IL21R: variants seen among roughly 807,000 people sequenced by gnomAD.
The protein encoded by IL21R is interleukin-21 receptor.
IL21R carries 14 observed loss-of-function variants against 41.3 expected under a neutral mutation model. That is an observed-to-expected ratio of 0.34 (90% CI 0.22 to 0.53). The LOEUF (loss-of-function observed/expected upper bound fraction) is 0.53, where lower values mean the gene tolerates loss of function less well. Among genes scored for constraint, IL21R ranks in the 20% least tolerant of loss-of-function variants. IL21R has a pLI of 0.94. For synonymous variants in IL21R, 286 were observed against 287.6 expected, an observed-to-expected ratio of 0.99 and a Z score of 0.05; for missense variants, 588 against 681.6, an observed-to-expected ratio of 0.86 and a Z score of 1.53.
rs952223498 is a variant in IL21R, at chr16:27,451,047, G to A, written c.*1764G>A. Reference sequence around the variant, plus strand: ...GATGGTTATAAGAGTGGGACTGTGAGCCTGGGATCGGGGGGTGTGAGACTT... The same window carrying A: ...GATGGTTATAAGAGTGGGACTGTGAACCTGGGATCGGGGGGTGTGAGACTT... On this transcript the variant is annotated 3_prime_UTR_variant, in exon 9 of 9. Transcript: ENST00000337929. The A allele has an allele frequency of 1.7e-5, 4 of 233,466 alleles. No homozygotes were observed. Among genetic ancestry groups the A allele is most frequent in the African/African-American group, 6.6e-5 (3 of 45,360 alleles). 14.5% of individuals were successfully genotyped at this position (233,466 alleles called of 1,614,324 possible).
chr16:27,448,250 T>A, intron 8 of IL21R: 1 of 332,630 alleles, frequency 3.0e-6, no homozygotes, highest in Non-Finnish European at 5.5e-6. Flanking sequence ...ACGTCAGGAG[T>A]TCAAGATCAG....
At chr16:27,413,576 C>CTTTT (rs35600189) in intron 1 of IL21R, among the ~76,000 whole-genome samples, 1 of 140,092 alleles carries the variant, frequency 7.1e-6, no homozygotes, top group African/African-American at 2.6e-5. Flanking sequence ...TGGTCTTGGC[C>CTTTT]TTTTTTTTTT....
At chr16:27,407,201 T>A (rs1206268316) in intron 1 of IL21R, among the ~76,000 whole-genome samples, 1 of 152,184 alleles carries the variant, frequency 6.6e-6, no homozygotes, top group Admixed American at 6.5e-5. Context: ...TTCTCTGCAC[T>A]AGGGATACTG....
Position 27,441,008 on chromosome 16 carries a change from G to A in IL21R, c.353-1954G>A, listed in dbSNP as rs545669888. 4.5e-5 allele frequency among the ~76,000 whole-genome samples: 6 copies of A among 131,874 alleles called. No homozygotes were observed. In the East Asian group the frequency reaches 6.6e-4, roughly 15 times the overall value. The allele number at this position is 131,874 out of a possible 152,430, so 86.5% of individuals were successfully genotyped here. A position where few individuals can be genotyped will look rare whatever the true frequency, so the allele number is the denominator to read the frequency against. ...GGAGACTGCAGTGAGCTGAGATCAC[G>A]CCACTGCACTCCAGCCTGGGTGACA... On this transcript the variant is annotated intron_variant, in intron 4 of 8. Transcript: ENST00000337929.
chr16:27,425,808 G>A (rs578030134), intron 1 of IL21R, among the ~76,000 whole-genome samples: 60 of 152,078 alleles, frequency 3.9e-4, no homozygotes, highest in African/African-American at 1.3e-3. Context: ...CTCCCACCTC[G>A]GCCTCCCAAA....
intron 1 of IL21R, among the ~76,000 whole-genome samples, chr16:27,413,064 A>C (rs1304938421): frequency 6.6e-6 from 1 of 152,126 alleles, no homozygotes; most frequent in Non-Finnish European, 1.5e-5. Context: ...AAAAGGTTTC[A>C]GTTTTTTACT....
At chr16:27,440,675 G>A (rs946634668) in intron 4 of IL21R, among the ~76,000 whole-genome samples, 2 of 152,200 alleles carry the variant, frequency 1.3e-5, no homozygotes, top group African/African-American at 4.8e-5. Flanking sequence ...GCCCCAAGGA[G>A]CTAAGAGCCC....
chr16:27,425,961 T>C (rs1348407797), intron 1 of IL21R, among the ~76,000 whole-genome samples: 1 of 152,222 alleles, frequency 6.6e-6, no homozygotes, highest in African/African-American at 2.4e-5. Flanking sequence ...TTGTTTTTCT[T>C]GTATTTAGTT....
chr16:27,444,246 C>A (rs2087438713), intron 5 of IL21R, among the ~76,000 whole-genome samples: 1 of 151,970 alleles, frequency 6.6e-6, no homozygotes, highest in Non-Finnish European at 1.5e-5. Flanking sequence ...ACCATTACCA[C>A]TCCTGAGATA....
At chr16:27,435,116 G>A (rs927596833) in intron 3 of IL21R, among the ~76,000 whole-genome samples, 14 of 152,090 alleles carry the variant, frequency 9.2e-5, no homozygotes, top group South Asian at 4.2e-4. Context: ...TAAATCAGTC[G>A]GGCGTGGTGG....
Position 27,449,520 on chromosome 16 carries a change from C to A in IL21R, c.*237C>A. 1.8e-6 allele frequency: 1 copy of A among 560,406 alleles called. No individual in the cohort carries two copies. The highest frequency in any genetic ancestry group is 3.1e-6 in the Non-Finnish European group (1 of 318,422). The allele number at this position is 560,406 out of a possible 1,614,324, so 34.7% of individuals were successfully genotyped here. On this transcript the variant is annotated 3_prime_UTR_variant, in exon 9 of 9. Transcript: ENST00000337929. ...ATGTCCACGTGTGTGTGTGATTGCA[C>A]GTGCCTGTGGGCCTGGGATAATGCC...
rs2087188454 is a variant in IL21R, at chr16:27,432,312, G to A, written c.50-2035G>A. On this transcript the variant is annotated intron_variant, in intron 2 of 8. Transcript: ENST00000337929. ...AAGCAGTGTCTCCGGCTTACACATG[G>A]GGAGGAGAAGCAGTTTTGAGTCACA... Among the ~76,000 whole-genome samples the A allele has an allele frequency of 2.6e-5, 4 of 152,308 alleles. No individual in the cohort carries two copies. The South Asian group carries it at 8.3e-4, about 32-fold the overall frequency.
rs769244619 is a variant in IL21R, at chr16:27,444,595, C to T, written c.561C>T (p.Pro187=). 7 of 1,578,312 alleles carry T rather than the reference C, an allele frequency of 4.4e-6. No homozygotes were observed. The highest frequency in any genetic ancestry group is 4.8e-5 in the East Asian group (2 of 41,650). ...ACTCAAGAAGTGTCTCCCTCCTCCCCCTGGAGTTCCGCAAAGACTCGAGCT... is the reference window on the plus strand; with the variant it reads ...ACTCAAGAAGTGTCTCCCTCCTCCCTCTGGAGTTCCGCAAAGACTCGAGCT... The part of the protein sequence containing the change: ...SVDSRSVSLL[P]LEFRKDSSYE... The change falls in exon 6 of 9, where the codon CCC becomes CCT. Residue 187 remains proline (P), a synonymous_variant. Transcript: ENST00000337929.
chr16:27,431,110 C>T (rs1042430701), intron 2 of IL21R, among the ~76,000 whole-genome samples: 1 of 152,122 alleles, frequency 6.6e-6, no homozygotes, highest in Admixed American at 6.6e-5. Flanking sequence ...TGGAGGCCGG[C>T]CTAGGGGCAG....
intron 1 of IL21R, among the ~76,000 whole-genome samples, chr16:27,419,313 G>C (rs1162121944): frequency 6.6e-6 from 1 of 152,160 alleles, no homozygotes; most frequent in Admixed American, 6.5e-5. Flanking sequence ...TCCACATTTT[G>C]TCCCACTGGA....
intron 3 of IL21R, 92 bp downstream of exon 3, chr16:27,434,541 C>G (rs373585911): frequency 1.3e-6 from 1 of 785,702 alleles, no homozygotes. Flanking sequence ...CTGAGGACCA[C>G]TGTGTCCGCC....
At chr16:27,430,656 A>C (rs564444491) in intron 2 of IL21R, among the ~76,000 whole-genome samples, 2 of 152,276 alleles carry the variant, frequency 1.3e-5, no homozygotes, top group African/African-American at 4.8e-5. Flanking sequence ...TCTCTACAAA[A>C]GAAAAAAAAT....
chr16:27,420,825 A>T (rs1344654205), intron 1 of IL21R, among the ~76,000 whole-genome samples: 1 of 152,104 alleles, frequency 6.6e-6, no homozygotes. Context: ...AGTTTAATAG[A>T]TCTATTTTTT....
chr16:27,444,890 G>A (rs777102757), intron 6 of IL21R, among the ~76,000 whole-genome samples, 171 bp downstream of exon 6: 14 of 152,336 alleles, frequency 9.2e-5, no homozygotes, highest in Non-Finnish European at 1.8e-4. Flanking sequence ...GCCCTGTTGG[G>A]TGCCAGCTGC....
Sources: gnomAD v4.1 joint callset for allele counts (sites outside exome capture counted in the v4.1 genomes callset) on GRCh38, gnomAD v4.1.1 for gene constraint, MANE v1.5 for transcripts, NCBI Gene and HGNC (gene_info 2026-07-23, HGNC 2026-07-21) for gene names.